BIRC6: variants seen among roughly 807,000 people sequenced by gnomAD.
The protein encoded by BIRC6 is baculoviral IAP repeat containing 6, also known as dual E2 ubiquitin-conjugating enzyme/E3 ubiquitin-protein ligase BIRC6.
BIRC6 carries 98 observed loss-of-function variants against 503.3 expected under a neutral mutation model. The observed-to-expected ratio is 0.19, with a 90% CI of 0.17 to 0.23. The LOEUF (loss-of-function observed/expected upper bound fraction) is 0.23, where lower values mean the gene tolerates loss of function less well. BIRC6 is among the 10% of genes least tolerant of loss of function. The pLI is 1.00. For missense variants in BIRC6, 5,360 were observed against 5,806.0 expected, an observed-to-expected ratio of 0.92 and a Z score of 2.50; for synonymous variants, 2,240 against 2,078.7, an observed-to-expected ratio of 1.08 and a Z score of -2.11.
At chr2:32,587,524 G>T (rs2061122740) in intron 66 of BIRC6, among the ~76,000 whole-genome samples, 2 of 152,136 alleles carry the variant, frequency 1.3e-5, no homozygotes, top group Admixed American at 6.5e-5. Context: ...GATCACTTGA[G>T]ACTAGCCTGG....
chr2:32,573,251 T>C (rs778166195), intron 65 of BIRC6, among the ~76,000 whole-genome samples: 15 of 152,140 alleles, frequency 9.9e-5, no homozygotes, highest in Non-Finnish European at 1.8e-4. Context: ...CAGGCCGGAG[T>C]GCAGTATGTG....
At chr2:32,447,634 G>A (rs529243062) in intron 21 of BIRC6, among the ~76,000 whole-genome samples, 7 of 123,600 alleles carry the variant, frequency 5.7e-5, no homozygotes, top group African/African-American at 1.9e-4. Flanking sequence ...CCCGGACGGC[G>A]CGGCTGGCCG....
At chr2:32,507,824 A>C (rs577989357) in intron 50 of BIRC6, among the ~76,000 whole-genome samples, 156 bp from the exon 51 acceptor site, 4 of 152,322 alleles carry the variant, frequency 2.6e-5, no homozygotes, top group Admixed American at 2.6e-4. Context: ...ATTATGGTGA[A>C]AGTCATTGTC....
At chr2:32,444,940 A>G (rs954134389) in intron 20 of BIRC6, among the ~76,000 whole-genome samples, 4 of 152,342 alleles carry the variant, frequency 2.6e-5, no homozygotes, top group African/African-American at 9.6e-5. Flanking sequence ...GGATAGTTTT[A>G]AAGTTGGGAC....
At chr2:32,565,421 C>T (rs1220180132) in intron 65 of BIRC6, 2 of 152,024 alleles carry the variant, frequency 1.3e-5, no homozygotes, top group Non-Finnish European at 2.9e-5. Flanking sequence ...TTCTGTTCTC[C>T]ACATTTTAAA....
chr2:32,587,926 T>G (rs1166811117), intron 66 of BIRC6, among the ~76,000 whole-genome samples: 1 of 152,194 alleles, frequency 6.6e-6, no homozygotes, highest in Non-Finnish European at 1.5e-5. Context: ...TCACGTCTAA[T>G]TACTAGATTA....
intron 47 of BIRC6, 94 bp from the exon 48 acceptor site, chr2:32,502,701 C>G: frequency 1.1e-6 from 1 of 934,126 alleles, no homozygotes; most frequent in Non-Finnish European, 1.5e-6. Flanking sequence ...TGTCAGTTTA[C>G]AAAAATTAAC....
chr2:32,520,884 T>C (rs552761035), intron 57 of BIRC6, among the ~76,000 whole-genome samples: 37 of 152,290 alleles, frequency 2.4e-4, no homozygotes, highest in South Asian at 1.0e-3. Flanking sequence ...GTTATTGATA[T>C]TGATATTTCA....
chr2:32,598,072 A>G, intron 69 of BIRC6, 104 bp downstream of exon 69: 1 of 1,112,338 alleles, frequency 9.0e-7, no homozygotes, highest in Non-Finnish European at 1.2e-6. Context: ...AAATTATACA[A>G]AACACTAGAA....
At chr2:32,370,129 C>T (rs2035719336) in intron 1 of BIRC6, among the ~76,000 whole-genome samples, 2 of 150,648 alleles carry the variant, frequency 1.3e-5, no homozygotes, top group Admixed American at 1.3e-4. Context: ...AATAATATAA[C>T]TTATGTGTCC....
intron 41 of BIRC6, among the ~76,000 whole-genome samples, chr2:32,488,290 C>G (rs112168111): frequency 6.6e-4 from 100 of 151,854 alleles, no homozygotes; most frequent in African/African-American, 2.4e-3. Flanking sequence ...TATAGCAGAC[C>G]TTGTCTCAAA....
Position 32,508,275 on chromosome 2 carries a change from C to CTT in BIRC6, c.9980+16_9980+17insTT. On this transcript the variant is annotated intron_variant, in intron 51 of 73. Coordinates refer to ENST00000421745, the MANE Select transcript of BIRC6 (RefSeq NM_016252.4). ...CCAAAACAAGGTATGTTTTGTTTGT[C>CTT]CTTTTTTTTTTTTTTTTTTTTTTTT... The CTT allele has an allele frequency of 5.9e-5, 34 of 577,752 alleles. No homozygotes were observed. Among genetic ancestry groups the CTT allele is most frequent in the South Asian group, 2.8e-4 (5 of 18,140 alleles). 35.8% of individuals were successfully genotyped at this position (577,752 alleles called of 1,614,324 possible). A position where few individuals can be genotyped will look rare whatever the true frequency, so the allele number is the denominator to read the frequency against.
At chr2:32,508,940 C>T (rs1384435236) in intron 51 of BIRC6, among the ~76,000 whole-genome samples, 1 of 151,846 alleles carries the variant, frequency 6.6e-6, no homozygotes, top group Non-Finnish European at 1.5e-5. Flanking sequence ...AAAAATTAGC[C>T]GGGCATGGCG....
rs56694490 is a variant in BIRC6, at chr2:32,544,491, C to CTT, written c.12592+961_12592+962dup. Among the ~76,000 whole-genome samples, 961 of 134,922 alleles carry CTT rather than the reference C, an allele frequency of 7.1e-3. 9 individuals carry two copies. Among genetic ancestry groups the CTT allele is most frequent in the African/African-American group, 0.024 (899 of 37,062 alleles). 88.5% of individuals were successfully genotyped at this position (134,922 alleles called of 152,430 possible). On this transcript the variant is annotated intron_variant, in intron 62 of 73. Transcript: ENST00000421745. ...TGCATTTTCTTTTTTCTTTCTTCTTCTTTTTTTTTTTTGCATTTTCACTTA... is the reference window on the plus strand; with the variant it reads ...TGCATTTTCTTTTTTCTTTCTTCTTCTTTTTTTTTTTTTTGCATTTTCACTTA...
chr2:32,518,442 T>C, intron 56 of BIRC6, 45 bp downstream of exon 56: 1 of 1,563,516 alleles, frequency 6.4e-7, no homozygotes, highest in Non-Finnish European at 8.6e-7. Context: ...ACATGTATTT[T>C]ACAATTTTGT....
chr2:32,376,372 A>T (rs941161388), intron 1 of BIRC6, among the ~76,000 whole-genome samples: 19 of 152,110 alleles, frequency 1.2e-4, no homozygotes, highest in African/African-American at 4.3e-4. Context: ...TATGTACTAC[A>T]GCTAATTTTA....
chr2:32,387,580 G>A (rs906332837), intron 3 of BIRC6, among the ~76,000 whole-genome samples: 16 of 152,214 alleles, frequency 1.1e-4, no homozygotes, highest in Non-Finnish European at 2.1e-4. Context: ...TGCTGATGGC[G>A]AAGCTGGGCC....
chr2:32,360,989 C>A (rs1040983001), intron 1 of BIRC6, among the ~76,000 whole-genome samples: 1 of 152,142 alleles, frequency 6.6e-6, no homozygotes, highest in Non-Finnish European at 1.5e-5. Context: ...GATGCGATCT[C>A]GGCTCACTGT....
chr2:32,446,738 G>GTTTTTTTTTTTTTTTTT (rs58232090), intron 21 of BIRC6, among the ~76,000 whole-genome samples: 2 of 34,836 alleles, frequency 5.7e-5, no homozygotes, highest in Admixed American at 5.4e-4. Flanking sequence ...CCTCTGCGCT[G>GTTTTTTTTTTTTTTTTT]TTTTTTTTTT....
Sources: gnomAD v4.1 joint callset for allele counts (sites outside exome capture counted in the v4.1 genomes callset) on GRCh38, gnomAD v4.1.1 for gene constraint, MANE v1.5 for transcripts, NCBI Gene and HGNC (gene_info 2026-07-23, HGNC 2026-07-21) for gene names.